CDH13: variants seen among roughly 807,000 people sequenced by gnomAD.
The protein encoded by CDH13 is cadherin-13.
In CDH13, 24 loss-of-function variants were observed where a neutral mutation model predicts 63.8. The observed-to-expected ratio is 0.38, with a 90% CI of 0.27 to 0.53. The LOEUF (loss-of-function observed/expected upper bound fraction) is 0.53, where lower values mean the gene tolerates loss of function less well. Ranked by LOEUF, CDH13 falls within the 20% of genes least tolerant of loss-of-function variation. The pLI is 0.85. For missense variants in CDH13, 1,049 were observed against 903.1 expected (o/e 1.16, Z -2.07); for synonymous variants, 503 against 355.3 (o/e 1.42, Z -4.67).
At chr16:83,002,513 C>T (rs1913046712) in intron 2 of CDH13, among the ~76,000 whole-genome samples, 1 of 152,206 alleles carries the variant, frequency 6.6e-6, no homozygotes, top group South Asian at 2.1e-4. Flanking sequence ...TTTGTTATAG[C>T]AGCCACAGGA....
rs147151424 is a variant in CDH13 at position 82,890,478 on chromosome 16, C to G, written c.157+32005C>G. 3.1e-3 allele frequency among the ~76,000 whole-genome samples: 477 copies of G among 152,206 alleles called. 5 individuals carry two copies. The highest frequency in any genetic ancestry group is 0.011 in the African/African-American group (460 of 41,532). On this transcript the variant is annotated intron_variant, in intron 2 of 13. Coordinates refer to ENST00000567109, the MANE Select transcript of CDH13 (RefSeq NM_001257.5). ...GAATAAATAATTGAGGCAGGCTTCT[C>G]CAGAATCTCATTGGTGTCAGCTATG...
chr16:83,032,812 C>A (rs1481013495), intron 3 of CDH13, among the ~76,000 whole-genome samples: 1 of 152,048 alleles, frequency 6.6e-6, no homozygotes, highest in Non-Finnish European at 1.5e-5. Flanking sequence ...AACTCATGGA[C>A]TGAGAGTGAA....
intron 5 of CDH13, among the ~76,000 whole-genome samples, chr16:83,263,666 A>C (rs138171944): frequency 6.6e-6 from 1 of 152,218 alleles, no homozygotes; most frequent in African/African-American, 2.4e-5. Flanking sequence ...TCTTCTGCTT[A>C]TGAGGCTTTT....
intron 2 of CDH13, among the ~76,000 whole-genome samples, chr16:82,930,467 C>A (rs902298716): frequency 4.8e-5 from 4 of 83,970 alleles, no homozygotes; most frequent in African/African-American, 2.1e-4. Context: ...AATGTTTTAA[C>A]TTTTTCTTGA....
intron 5 of CDH13, among the ~76,000 whole-genome samples, chr16:83,227,173 C>A (rs905241644): frequency 6.6e-6 from 1 of 152,134 alleles, no homozygotes; most frequent in Non-Finnish European, 1.5e-5. Flanking sequence ...GGGTCAGAAC[C>A]CGGATGCAAG....
In CDH13 at chr16:83,185,060, C is replaced by A. The variant is rs141159294; in HGVS notation, c.484-32285C>A. Among the ~76,000 whole-genome samples, 487 of 152,058 alleles carry A rather than the reference C, an allele frequency of 3.2e-3. 3 individuals carry two copies. The highest frequency in any genetic ancestry group is 0.011 in the African/African-American group (472 of 41,458). The stretch of plus-strand genomic sequence containing the variant: ...ATCTATATATTTATGATCTTCCCAC[C>A]AACCTGGTAAGGCCGATACTACTAC... On this transcript the variant is annotated intron_variant, in intron 4 of 13. Coordinates refer to ENST00000567109, the MANE Select transcript of CDH13 (RefSeq NM_001257.5).
At chr16:82,719,946 T>C (rs969402352) in intron 1 of CDH13, among the ~76,000 whole-genome samples, 1 of 150,946 alleles carries the variant, frequency 6.6e-6, no homozygotes, top group Non-Finnish European at 1.5e-5. Flanking sequence ...AAATGAAATA[T>C]AATGAAAGCA....
intron 5 of CDH13, among the ~76,000 whole-genome samples, chr16:83,227,425 G>A (rs28376736): frequency 0.052 from 7,898 of 152,190 alleles, 528 homozygotes; most frequent in African/African-American, 0.15. Context: ...AATACCTGGG[G>A]AATAATGTTG....
chr16:82,828,500 C>T (rs1193864441), intron 1 of CDH13, among the ~76,000 whole-genome samples: 2 of 152,072 alleles, frequency 1.3e-5, no homozygotes, highest in African/African-American at 2.4e-5. Context: ...ACCTGTAATC[C>T]CACCTAATCC....
intron 3 of CDH13, among the ~76,000 whole-genome samples, chr16:83,071,967 T>G (rs1041115990): frequency 6.6e-6 from 1 of 152,140 alleles, no homozygotes; most frequent in African/African-American, 2.4e-5. Context: ...AAGAGACATA[T>G]AATTTAAAGC....
intron 5 of CDH13, among the ~76,000 whole-genome samples, chr16:83,328,469 T>C (rs1218576038): frequency 1.3e-5 from 2 of 152,116 alleles, no homozygotes; most frequent in East Asian, 1.9e-4. Context: ...ACAATTGACA[T>C]AGGATGATTG....
At chr16:82,825,459 C>G (rs1248897659) in intron 1 of CDH13, 1 of 151,954 alleles carries the variant, frequency 6.6e-6, no homozygotes, top group South Asian at 2.1e-4. Context: ...ACAAGAACTT[C>G]TCATTAGCTG....
At chr16:83,659,353 A>C (rs920739072) in intron 8 of CDH13, among the ~76,000 whole-genome samples, 13 of 149,688 alleles carry the variant, frequency 8.7e-5, no homozygotes, top group African/African-American at 3.2e-4. Flanking sequence ...CCATGTCCTC[A>C]CCAGCAAGGT....
At chr16:82,673,575 G>C (rs776665702) in intron 1 of CDH13, among the ~76,000 whole-genome samples, 1 of 152,162 alleles carries the variant, frequency 6.6e-6, no homozygotes, top group Non-Finnish European at 1.5e-5. Flanking sequence ...ATAATTCTAC[G>C]AGCCATGAAA....
At chr16:83,566,360 G>T (rs1904280416) in intron 7 of CDH13, among the ~76,000 whole-genome samples, 1 of 152,152 alleles carries the variant, frequency 6.6e-6, no homozygotes, top group South Asian at 2.1e-4. Flanking sequence ...GTGGCCTGCT[G>T]GAATGGGAGT....
chr16:83,310,969 A>G (rs116979104), intron 5 of CDH13, among the ~76,000 whole-genome samples: 2 of 152,276 alleles, frequency 1.3e-5, no homozygotes, highest in South Asian at 2.1e-4. Context: ...AGACCACACA[A>G]CACACACAAA....
intron 6 of CDH13, among the ~76,000 whole-genome samples, chr16:83,419,881 TAAC>T (rs1031097756): frequency 2.6e-4 from 39 of 151,780 alleles, no homozygotes; most frequent in African/African-American, 8.4e-4. Context: ...CTCTACATAA[TAAC>T]AGGAATTTCT....
At chr16:83,647,274 C>A (rs1911918013) in intron 8 of CDH13, among the ~76,000 whole-genome samples, 1 of 147,990 alleles carries the variant, frequency 6.8e-6, no homozygotes, top group African/African-American at 2.5e-5. Context: ...CATGCCACTA[C>A]TGCACTCCAG....
At chr16:82,641,102 G>A (rs568278518) in intron 1 of CDH13, among the ~76,000 whole-genome samples, 1 of 152,270 alleles carries the variant, frequency 6.6e-6, no homozygotes, top group Non-Finnish European at 1.5e-5. Context: ...TGGGAAACTG[G>A]CTTCTTGCTG....
Sources: gnomAD v4.1 joint callset for allele counts (sites outside exome capture counted in the v4.1 genomes callset) on GRCh38, gnomAD v4.1.1 for gene constraint, MANE v1.5 for transcripts, NCBI Gene and HGNC (gene_info 2026-07-23, HGNC 2026-07-21) for gene names.